TMCC2: variants seen among roughly 807,000 people sequenced by gnomAD.
TMCC2 encodes the protein transmembrane and coiled-coil domains protein 2.
In TMCC2, 16 loss-of-function variants were observed where a neutral mutation model predicts 49.4. The observed-to-expected ratio is 0.32, with a 90% CI of 0.22 to 0.49. The LOEUF is 0.49. Among genes scored for constraint, TMCC2 ranks in the 20% least tolerant of loss-of-function variants. The probability of loss-of-function intolerance (pLI) is 0.99; values close to 1 mark genes in which losing one functional copy is unlikely to be tolerated. For synonymous variants in TMCC2, 397 were observed against 434.1 expected, an observed-to-expected ratio of 0.91 and a Z score of 1.06; for missense variants, 762 against 989.8, an observed-to-expected ratio of 0.77 and a Z score of 3.09.
intron 2 of TMCC2, among the ~76,000 whole-genome samples, chr1:205,247,445 G>A (rs748012): frequency 0.26 from 40,248 of 152,128 alleles, 7,032 homozygotes; most frequent in Non-Finnish European, 0.39. Context: ...TTCCCCTTCA[G>A]TTGCATAGAT....
chr1:205,233,872 A>C (rs1201953839), intron 1 of TMCC2: 1 of 150,972 alleles, frequency 6.6e-6, no homozygotes, highest in Non-Finnish European at 1.5e-5. Flanking sequence ...TTTTTTTTAA[A>C]GGGTAGTCAA....
rs1323715839 is a variant in TMCC2 at position 205,241,585 on chromosome 1, A to G, written c.288A>G (p.Glu96=). The change falls in exon 2 of 5, where the codon GAA becomes GAG. Residue 96 remains glutamate, a synonymous_variant. Coordinates refer to ENST00000358024, the MANE Select transcript of TMCC2 (RefSeq NM_014858.4). This position sits in a 1 kb window ranked among gnomAD's most constrained non-coding sequence, Gnocchi z 7.3. ...HLFHSRRRSR[E]REHQTSQDSQ... is the part of the protein sequence containing the mutation. ...TCCACAGCCGCCGTCGGTCTCGGGA[A>G]AGGGAGCACCAGACGTCTCAGGATT... The G allele has an allele frequency of 6.2e-7, 1 of 1,613,940 alleles. No individual in the cohort carries two copies. Among genetic ancestry groups the G allele is most frequent in the Admixed American group, 1.7e-5 (1 of 60,018 alleles).
intron 2 of TMCC2, among the ~76,000 whole-genome samples, chr1:205,248,178 G>C (rs1468594854): frequency 1.3e-5 from 2 of 152,190 alleles, no homozygotes; most frequent in Admixed American, 1.3e-4. Flanking sequence ...AGGCTGATTT[G>C]CGTGGATCAG....
chr1:205,242,009 C>T lies in TMCC2; in HGVS notation c.712C>T (p.Leu238Phe), dbSNP rs1404631940. 6.2e-7 allele frequency: 1 copy of T among 1,604,732 alleles called. No homozygotes were observed. Among genetic ancestry groups the T allele is most frequent in the South Asian group, 1.1e-5 (1 of 90,108 alleles). Residue 238 changes from leucine (L) to phenylalanine (F), a missense_variant, in exon 2 of 5, where the codon CTC becomes TTC. Transcript: ENST00000358024. Reference protein sequence around the residue: ...LLLADGSNVYLLAEEAEGIGD... With the variant: ...LLLADGSNVYFLAEEAEGIGD... ...GCTGGCCGACGGCAGCAACGTGTAC[C>T]TCCTGGCTGAGGAGGCCGAAGGCAT...
intron 2 of TMCC2, among the ~76,000 whole-genome samples, chr1:205,267,230 C>T (rs866269959): frequency 2.3e-4 from 35 of 152,216 alleles, no homozygotes; most frequent in African/African-American, 5.5e-4. Context: ...TGGAAGCCCA[C>T]AGAGGAGCCG....
At chr1:205,250,061 T>G (rs1419814126) in intron 2 of TMCC2, among the ~76,000 whole-genome samples, 1 of 152,110 alleles carries the variant, frequency 6.6e-6, no homozygotes, top group African/African-American at 2.4e-5. Flanking sequence ...CTTGTAGGGG[T>G]CCTGTCTGAT....
Position 205,228,144 on chromosome 1 carries a change from G to T in TMCC2, c.-421G>T, listed in dbSNP as rs1269382472. 1 of 150,724 alleles carries T rather than the reference G, an allele frequency of 6.6e-6. No homozygotes were observed. The highest frequency in any genetic ancestry group is 2.4e-5 in the African/African-American group (1 of 41,240). 9.3% of individuals were successfully genotyped at this position (150,724 alleles called of 1,614,324 possible). On this transcript the variant is annotated 5_prime_UTR_variant, in exon 1 of 5. Transcript: ENST00000358024. ...CGGCCGACTAGGACCTGCCCGGCCG[G>T]CTGCCCCGCGCCCCGCCTCGCCCCG...
At chr1:205,232,346 A>T (rs73083133) in intron 1 of TMCC2, among the ~76,000 whole-genome samples, 3,512 of 152,342 alleles carry the variant, frequency 0.023, 110 homozygotes, top group African/African-American at 0.07. Context: ...GACATCCTGC[A>T]ACAGGAGCAC....
At chr1:205,261,613 A>G (rs1031016293) in intron 2 of TMCC2, among the ~76,000 whole-genome samples, 6 of 151,792 alleles carry the variant, frequency 4.0e-5, no homozygotes, top group Non-Finnish European at 5.9e-5. Context: ...TGGGACGTCG[A>G]GACTACAGTG....
At chr1:205,232,197 A>C (rs61823972) in intron 1 of TMCC2, among the ~76,000 whole-genome samples, 44,365 of 152,150 alleles carry the variant, frequency 0.29, 8,122 homozygotes, top group Non-Finnish European at 0.41. Flanking sequence ...GAAAAGTAGT[A>C]GTTAAGCAGC....
intron 2 of TMCC2, among the ~76,000 whole-genome samples, chr1:205,259,865 A>G (rs1197772417): frequency 1.3e-5 from 2 of 152,204 alleles, no homozygotes; most frequent in African/African-American, 4.8e-5. Flanking sequence ...GGGAGCCCCC[A>G]GGTGTGCGTG....
At chr1:205,239,211 C>T (rs757264004) in intron 1 of TMCC2, among the ~76,000 whole-genome samples, 29 of 152,130 alleles carry the variant, frequency 1.9e-4, no homozygotes, top group Non-Finnish European at 2.9e-4. Flanking sequence ...AAAGACAATT[C>T]GTATTATGGA....
At chr1:205,254,812 T>C (rs1295317537) in intron 2 of TMCC2, among the ~76,000 whole-genome samples, 1 of 152,088 alleles carries the variant, frequency 6.6e-6, no homozygotes, top group Non-Finnish European at 1.5e-5. Context: ...AGACCTACCA[T>C]GCAGAGTGAA....
At chr1:205,265,758 A>G (rs1661297803) in intron 2 of TMCC2, among the ~76,000 whole-genome samples, 3 of 150,818 alleles carry the variant, frequency 2.0e-5, no homozygotes, top group South Asian at 4.2e-4. Flanking sequence ...ACAGGGTTTC[A>G]CCATGTTGGT....
intron 2 of TMCC2, among the ~76,000 whole-genome samples, chr1:205,267,425 C>A (rs1271611452): frequency 6.6e-6 from 1 of 152,100 alleles, no homozygotes; most frequent in African/African-American, 2.4e-5. Flanking sequence ...ATATATCTGA[C>A]CACACCCCTG....
chr1:205,262,918 T>TCG (rs1227096465), intron 2 of TMCC2, among the ~76,000 whole-genome samples: 1 of 152,056 alleles, frequency 6.6e-6, no homozygotes, highest in Non-Finnish European at 1.5e-5. Context: ...TAGGATCTCG[T>TCG]GGTGAGTCCG....
intron 2 of TMCC2, among the ~76,000 whole-genome samples, chr1:205,260,732 CTG>C (rs1263205593): frequency 6.9e-6 from 1 of 145,248 alleles, no homozygotes; most frequent in Non-Finnish European, 1.5e-5. Context: ...CTTTCTGTCT[CTG>C]TGGATTTAAC....
intron 2 of TMCC2, among the ~76,000 whole-genome samples, chr1:205,255,267 T>G (rs1246348929): frequency 6.7e-6 from 1 of 148,876 alleles, no homozygotes; most frequent in African/African-American, 2.5e-5. Flanking sequence ...AGAGAAGGGG[T>G]ATCTTGGCCG....
At chr1:205,260,837 A>T (rs1431451429) in intron 2 of TMCC2, among the ~76,000 whole-genome samples, 1 of 152,168 alleles carries the variant, frequency 6.6e-6, no homozygotes, top group African/African-American at 2.4e-5. Flanking sequence ...AGGTTCACCC[A>T]TGTTGGAGCA....
Sources: allele counts gnomAD v4.1 joint callset (sites outside exome capture counted in the v4.1 genomes callset), GRCh38; gene constraint gnomAD v4.1.1; non-coding constraint Gnocchi (gnomAD v3.1); transcripts MANE v1.5; gene names NCBI Gene and HGNC (gene_info 2026-07-23, HGNC 2026-07-21).